Variants in SF3B1 observed in about 807,000 individuals in gnomAD.
SF3B1 encodes pre-mRNA processing 10.
SF3B1 carries 12 observed loss-of-function variants against 153.8 expected under a neutral mutation model. The observed-to-expected ratio is 0.08, with a 90% CI of 0.05 to 0.13. The LOEUF (loss-of-function observed/expected upper bound fraction) is 0.13. Among genes scored for constraint, SF3B1 ranks in the 10% least tolerant of loss-of-function variants. The pLI, the probability that SF3B1 is intolerant of heterozygous loss-of-function variation, is 1.00. For synonymous variants in SF3B1, 498 were observed against 525.2 expected (o/e 0.95, Z 0.71); for missense variants, 513 against 1,606.1 (o/e 0.32, Z 11.63).
intron 4 of SF3B1, chr2:197,418,835 C>T: frequency 6.6e-7 from 1 of 1,520,668 alleles, no homozygotes; most frequent in Non-Finnish European, 8.8e-7. Flanking sequence ...AACAAAATGA[C>T]AGCACAGTTT....
At chr2:197,408,167 T>G (rs1360869336) in intron 8 of SF3B1, 48 bp from the exon 9 acceptor site, 4 of 1,487,586 alleles carry the variant, frequency 2.7e-6, no homozygotes, top group Non-Finnish European at 3.7e-6. Flanking sequence ...CAAGACTGTA[T>G]TATTACATAC....
intron 22 of SF3B1, among the ~76,000 whole-genome samples, chr2:197,397,369 T>C (rs374181578): frequency 6.6e-6 from 1 of 152,196 alleles, no homozygotes; most frequent in African/African-American, 2.4e-5. Flanking sequence ...CTTGCCTTAA[T>C]AGTTTAAGCA....
At chr2:197,407,120 A>G (rs2085003543) in intron 9 of SF3B1, among the ~76,000 whole-genome samples, 1 of 152,098 alleles carries the variant, frequency 6.6e-6, no homozygotes, top group Admixed American at 6.6e-5. Context: ...AAACATACTC[A>G]TGAACTGTTA....
At chr2:197,392,753 C>T (rs906392693) in intron 24 of SF3B1, among the ~76,000 whole-genome samples, 14 of 151,906 alleles carry the variant, frequency 9.2e-5, no homozygotes, top group African/African-American at 3.4e-4. Flanking sequence ...AAATCTTTAA[C>T]TTACAGGCAG....
chr2:197,422,747 G>A lies in SF3B1; in HGVS notation c.195+1061C>T, dbSNP rs925040483. ...CTACTAAAAATACAAAAAATTAGCCGGACTTGGTGGCAGGCATCTGTAGTC... is the reference window on the plus strand; with the variant it reads ...CTACTAAAAATACAAAAAATTAGCCAGACTTGGTGGCAGGCATCTGTAGTC... On this transcript the variant is annotated intron_variant, in intron 2 of 24. Coordinates refer to ENST00000335508, the MANE Select transcript of SF3B1 (RefSeq NM_012433.4). 8.6e-5 allele frequency among the ~76,000 whole-genome samples: 13 copies of A among 151,866 alleles called. No individual in the cohort carries two copies. In the East Asian group the frequency reaches 9.7e-4, roughly 11 times the overall value.
chr2:197,419,107 T>C, intron 4 of SF3B1: 5 of 598,326 alleles, frequency 8.4e-6, no homozygotes, highest in Non-Finnish European at 1.5e-5. Flanking sequence ...TTAGAAAATC[T>C]GATTTTAAAA....
At chr2:197,396,368 A>G in intron 22 of SF3B1, 40 bp from the exon 23 acceptor site, 1 of 1,538,042 alleles carries the variant, frequency 6.5e-7, no homozygotes, top group Non-Finnish European at 8.8e-7. Context: ...TTACATTATA[A>G]GTCAAAAATT....
intron 22 of SF3B1, 89 bp from the exon 23 acceptor site, chr2:197,396,417 GTAT>G: frequency 9.1e-7 from 1 of 1,094,396 alleles, no homozygotes; most frequent in Non-Finnish European, 1.3e-6. Flanking sequence ...AAACTTTTAA[GTAT>G]TAATAATTAC....
chr2:197,412,346 ATTT>A (rs768816839), intron 6 of SF3B1, among the ~76,000 whole-genome samples: 15 of 105,780 alleles, frequency 1.4e-4, no homozygotes, highest in East Asian at 3.4e-4. Flanking sequence ...GATTTAATTT[ATTT>A]ATTTATTTAT....
At chr2:197,432,201 A>G (rs890078772) in intron 1 of SF3B1, among the ~76,000 whole-genome samples, 9 of 152,258 alleles carry the variant, frequency 5.9e-5, no homozygotes, top group African/African-American at 2.2e-4. Flanking sequence ...GCCATTTATC[A>G]AGCAAAGAAT....
In SF3B1 at chr2:197,424,112, T is replaced by A. The variant is rs900433982; in HGVS notation, c.29-138A>T. The A allele has an allele frequency of 6.7e-6, 5 of 749,206 alleles. No homozygotes were observed. In the Admixed American group the frequency reaches 1.2e-4, roughly 19 times the overall value. The allele number at this position is 749,206 out of a possible 1,614,324, so 46.4% of individuals were successfully genotyped here. On this transcript the variant is annotated intron_variant, in intron 1 of 24. Transcript: ENST00000335508. Reference sequence around the variant, plus strand: ...ACAATAATTGCACCATATAAGAGACTAGTAATCACAACAGCGTAAGCAAGC... The same window carrying A: ...ACAATAATTGCACCATATAAGAGACAAGTAATCACAACAGCGTAAGCAAGC...
At position 197,405,480 on chromosome 2, in the gene SF3B1, A is replaced by C; in HGVS notation, c.1240-8T>G. On this transcript the variant is annotated splice_region_variant and splice_polypyrimidine_tract_variant and intron_variant, in intron 9 of 24. Coordinates refer to ENST00000335508, the MANE Select transcript of SF3B1 (RefSeq NM_012433.4). ...AGCTGGAGGAGGAAGTACCTAATAA[A>C]AGTTATAAGACAGTTTAGGATTTTC... 6.3e-7 allele frequency: 1 copy of C among 1,592,440 alleles called. No homozygotes were observed. The highest frequency in any genetic ancestry group is 8.6e-7 in the Non-Finnish European group (1 of 1,164,346).
intron 1 of SF3B1, among the ~76,000 whole-genome samples, chr2:197,424,241 A>C (rs1208976870): frequency 6.6e-6 from 1 of 152,182 alleles, no homozygotes; most frequent in Non-Finnish European, 1.5e-5. Flanking sequence ...GCTCACGCCT[A>C]TAATCCCAAC....
At chr2:197,404,985 A>G (rs1290598669) in intron 11 of SF3B1, 91 bp downstream of exon 11, 1 of 862,134 alleles carries the variant, frequency 1.2e-6, no homozygotes, top group Non-Finnish European at 1.8e-6. Flanking sequence ...CCTGGGCAAC[A>G]TGGCAAAACC....
intron 20 of SF3B1, chr2:197,399,174 A>T: frequency 2.9e-6 from 3 of 1,029,076 alleles, no homozygotes; most frequent in Non-Finnish European, 3.8e-6. Context: ...TGCAAACCAG[A>T]GCCCTACAAG....
intron 5 of SF3B1, 136 bp downstream of exon 5, chr2:197,418,373 A>T: frequency 1.7e-6 from 1 of 573,078 alleles, no homozygotes; most frequent in Non-Finnish European, 2.9e-6. Context: ...TTTGGGGGTA[A>T]GATTCTTTCT....
chr2:197,395,057 C>T (rs2084860463), intron 23 of SF3B1, among the ~76,000 whole-genome samples: 2 of 152,200 alleles, frequency 1.3e-5, no homozygotes, highest in Non-Finnish European at 2.9e-5. Flanking sequence ...CAGTATTCCT[C>T]ATTAATAAAA....
At chr2:197,411,690 A>T (rs77873162) in intron 6 of SF3B1, among the ~76,000 whole-genome samples, 2,730 of 151,438 alleles carry the variant, frequency 0.018, 84 homozygotes, top group African/African-American at 0.064. Flanking sequence ...AAAGAAAAAA[A>T]GTTGGGAAAG....
At position 197,402,569 on chromosome 2, in the gene SF3B1, T is replaced by C. The variant is rs2105986526; in HGVS notation, c.2064A>G (p.Glu688=). Residue 688 remains glutamate (E), a synonymous_variant, in exon 14 of 25, where the codon GAA becomes GAG. Transcript: ENST00000335508. The surrounding 1 kb of genome is among the most constrained non-coding windows in gnomAD (Gnocchi z 4.6). ...ATTACAACTTACCATGTTCAATGAT[T>C]TCAACTAAACTTCTAAGATGTGGCA... ...AILPHLRSLV[E]IIEHGLVDEQ... is the part of the protein sequence containing the mutation. 6.2e-7 allele frequency: 1 copy of C among 1,613,360 alleles called. No individual in the cohort carries two copies. Among genetic ancestry groups the C allele is most frequent in the Non-Finnish European group, 8.5e-7 (1 of 1,179,390 alleles).
Sources: gnomAD v4.1 joint callset for allele counts (sites outside exome capture counted in the v4.1 genomes callset) on GRCh38, gnomAD v4.1.1 for gene constraint, Gnocchi (gnomAD v3.1) non-coding constraint, MANE v1.5 for transcripts, NCBI Gene and HGNC (gene_info 2026-07-23, HGNC 2026-07-21) for gene names.